TCTN3: variants seen among roughly 807,000 people sequenced by gnomAD.
The protein encoded by TCTN3 is tectonic family member 3, also known as tectonic-3.
Under a neutral mutation model 71.3 loss-of-function variants are expected in TCTN3, and 57 were observed. The ratio of observed to expected loss-of-function variants is 0.80; its 90% CI spans 0.65 to 1.00. TCTN3 has a LOEUF of 1.00. Among genes scored for constraint, TCTN3 ranks in the 50% least tolerant of loss-of-function variants. TCTN3 has a pLI of 0.00. For missense variants in TCTN3, 696 were observed against 719.9 expected, an observed-to-expected ratio of 0.97 and a Z score of 0.38; for synonymous variants, 258 against 267.8, an observed-to-expected ratio of 0.96 and a Z score of 0.36.
chr10:95,669,131 T>TG (rs1025731939), intron 13 of TCTN3, among the ~76,000 whole-genome samples: 20 of 152,114 alleles, frequency 1.3e-4, no homozygotes, highest in African/African-American at 3.1e-4. Context: ...GGCAGAGTAG[T>TG]GGGGGGGTAG....
intron 13 of TCTN3, among the ~76,000 whole-genome samples, chr10:95,665,461 A>G (rs1345663879): frequency 6.6e-6 from 1 of 152,004 alleles, no homozygotes; most frequent in African/African-American, 2.4e-5. Context: ...TTGTATTTTT[A>G]GTAGAGACGG....
chr10:95,685,044 G>A (rs767518966), intron 8 of TCTN3, among the ~76,000 whole-genome samples: 1 of 152,202 alleles, frequency 6.6e-6, no homozygotes, highest in Non-Finnish European at 1.5e-5. Context: ...TTAAATTTCT[G>A]AGCATAGTCT....
chr10:95,692,768 C>CTT, intron 3 of TCTN3, 152 bp downstream of exon 3: 4 of 594,812 alleles, frequency 6.7e-6, no homozygotes, highest in South Asian at 2.1e-5. Context: ...ATTTTTTTTG[C>CTT]TTTTTTTTTG....
In TCTN3 at chr10:95,693,057, G is replaced by A; in HGVS notation, c.381-19C>T. The A allele has an allele frequency of 6.3e-7, 1 of 1,575,412 alleles. No individual in the cohort carries two copies. The highest frequency in any genetic ancestry group is 1.4e-5 in the African/African-American group (1 of 73,826). On this transcript the variant is annotated intron_variant, in intron 2 of 13. Coordinates refer to ENST00000371217, the MANE Select transcript of TCTN3 (RefSeq NM_015631.6). ...TGAAGACCTGTGAGGAAAGAGGAGG[G>A]AGAAGATATATTTAGAAGGGGCGGG...
chr10:95,663,621 T>C lies in TCTN3; in HGVS notation c.*446A>G, dbSNP rs2097923568. ...ACCAGACAAAATCAACAGCCAGCAG[T>C]TTTCTGTTCCAAACAGTTAGCTCCT... is the stretch of plus-strand genomic sequence containing the variant. On this transcript the variant is annotated 3_prime_UTR_variant, in exon 14 of 14. Transcript: ENST00000371217. The C allele has an allele frequency of 1.9e-5, 3 of 158,390 alleles. No individual in the cohort carries two copies. The highest frequency in any genetic ancestry group is 1.8e-4 in the Admixed American group (3 of 16,648). The allele number at this position is 158,390 out of a possible 1,614,324, so 9.8% of individuals were successfully genotyped here. A position where few individuals can be genotyped will look rare whatever the true frequency, so the allele number is the denominator to read the frequency against.
chr10:95,690,557 A>T (rs556780282), intron 3 of TCTN3, among the ~76,000 whole-genome samples: 1 of 152,340 alleles, frequency 6.6e-6, no homozygotes, highest in African/African-American at 2.4e-5. Context: ...AGAAAAGCAA[A>T]TACAAACTTG....
rs77585007 is a variant in TCTN3, at chr10:95,667,453, T to C, written c.1591-3153A>G. 2.6e-5 allele frequency among the ~76,000 whole-genome samples: 4 copies of C among 152,128 alleles called. No individual in the cohort carries two copies. In the East Asian group the frequency reaches 7.7e-4, roughly 29 times the overall value. ...TTTCAGAGACTAGATACAAGCAGAT[T>C]TTCTCTGTGGAACTCTAAAGACTCA... On this transcript the variant is annotated intron_variant, in intron 13 of 13. Coordinates refer to ENST00000371217, the MANE Select transcript of TCTN3 (RefSeq NM_015631.6).
intron 3 of TCTN3, among the ~76,000 whole-genome samples, chr10:95,688,781 A>G (rs929300674): frequency 2.6e-5 from 4 of 152,198 alleles, no homozygotes; most frequent in African/African-American, 7.2e-5. Context: ...TCTTGCAGTC[A>G]TCTCTTTATG....
chr10:95,683,035 A>T, intron 11 of TCTN3, 66 bp downstream of exon 11: 1 of 1,449,780 alleles, frequency 6.9e-7, no homozygotes, highest in Non-Finnish European at 9.6e-7. Flanking sequence ...TATAAAAGTT[A>T]CCATATCAAC....
chr10:95,671,490 A>C (rs553982319), intron 13 of TCTN3, among the ~76,000 whole-genome samples: 173 of 152,378 alleles, frequency 1.1e-3, no homozygotes, highest in African/African-American at 4.0e-3. Flanking sequence ...TATACATTAC[A>C]TCTGTATGAT....
Position 95,682,795 on chromosome 10 carries a change from C to T in TCTN3, c.1308G>A (p.Lys436=). Residue 436 remains lysine (K), a synonymous_variant, in exon 12 of 14, where the codon AAG becomes AAA. Coordinates refer to ENST00000371217, the MANE Select transcript of TCTN3 (RefSeq NM_015631.6). ...AISGCKLRLK[K]ADCSHLQQEI... ...CCTGCTGCAAGTGGCTGCAGTCTGC[C>T]TTCTTCAACCTATAATTAAACACCA... 2 of 1,613,754 alleles carry T rather than the reference C, an allele frequency of 1.2e-6. No individual in the cohort carries two copies. Among genetic ancestry groups the T allele is most frequent in the South Asian group, 2.2e-5 (2 of 91,024 alleles).
At chr10:95,675,170 G>A (rs1373965387) in intron 13 of TCTN3, among the ~76,000 whole-genome samples, 1 of 152,202 alleles carries the variant, frequency 6.6e-6, no homozygotes, top group East Asian at 1.9e-4. Flanking sequence ...TCGGCTCACT[G>A]CAACCTCCGC....
At chr10:95,686,629 G>A in intron 6 of TCTN3, 99 bp from the exon 7 acceptor site, 2 of 1,148,068 alleles carry the variant, frequency 1.7e-6, no homozygotes, top group East Asian at 2.4e-5. Context: ...GGTTTGGCGG[G>A]CAGGGGAGTC....
Position 95,693,870 on chromosome 10 carries a change from T to C in TCTN3, c.30A>G (p.Gln10=), listed in dbSNP as rs1325148037. The C allele has an allele frequency of 4.5e-6, 7 of 1,551,490 alleles. No homozygotes were observed. The highest frequency in any genetic ancestry group is 2.0e-5 in the Admixed American group (1 of 50,980). The change falls in exon 1 of 14, where the codon CAA becomes CAG. Residue 10 remains glutamine (Q), a synonymous_variant. Transcript: ENST00000371217. The part of the protein sequence containing the change: MRTPQLALL[Q]VFFLVFPDGV... ...CATCGGGGAACACCAGAAAGAACAC[T>C]TGCAGGAGCGCGAGCTGTGGGGTGC...
intron 7 of TCTN3, 73 bp from the exon 8 acceptor site, chr10:95,685,709 T>C (rs989883065): frequency 2.5e-6 from 3 of 1,179,936 alleles, no homozygotes; most frequent in Non-Finnish European, 2.4e-6. Flanking sequence ...ATAGATATCA[T>C]GCTAAGATGA....
In TCTN3 at chr10:95,692,907, T is replaced by C. The variant is rs2097954900; in HGVS notation, c.499+13A>G. On this transcript the variant is annotated intron_variant, in intron 3 of 13. Transcript: ENST00000371217. Reference sequence around the variant, plus strand: ...TGTTAGAAAATGAGAACAACCAACATGTTTCTACTCACAGTTGTTCACATG... The same window carrying C: ...TGTTAGAAAATGAGAACAACCAACACGTTTCTACTCACAGTTGTTCACATG... The C allele has an allele frequency of 6.4e-7, 1 of 1,571,920 alleles. No individual in the cohort carries two copies. The highest frequency in any genetic ancestry group is 8.8e-7 in the Non-Finnish European group (1 of 1,141,654).
intron 13 of TCTN3, among the ~76,000 whole-genome samples, chr10:95,668,031 T>C (rs781184622): frequency 3.9e-5 from 6 of 152,192 alleles, no homozygotes; most frequent in Non-Finnish European, 7.3e-5. Context: ...AAGTTGTTAG[T>C]ATCTTCAGAG....
intron 13 of TCTN3, among the ~76,000 whole-genome samples, chr10:95,677,473 A>ACAGTTTT (rs57706369): frequency 8.3e-5 from 2 of 24,118 alleles, no homozygotes; most frequent in African/African-American, 2.7e-4. Flanking sequence ...TGAAGTCTAC[A>ACAGTTTT]GTTTTTTTTG....
chr10:95,664,673 T>A (rs2097924265), intron 13 of TCTN3, among the ~76,000 whole-genome samples: 1 of 152,350 alleles, frequency 6.6e-6, no homozygotes, highest in Non-Finnish European at 1.5e-5. Context: ...GTGAAAGTAG[T>A]AGTAGCAATT....
Sources: gnomAD v4.1 joint callset for allele counts (sites outside exome capture counted in the v4.1 genomes callset) on GRCh38, gnomAD v4.1.1 for gene constraint, MANE v1.5 for transcripts, NCBI Gene and HGNC (gene_info 2026-07-23, HGNC 2026-07-21) for gene names.